The following MSRA variants were observed in gnomAD, a reference collection of about 807,000 sequenced individuals.
The protein encoded by MSRA is mitochondrial peptide methionine sulfoxide reductase.
MSRA carries 54 observed loss-of-function variants against 31.3 expected under a neutral mutation model. That is an observed-to-expected ratio of 1.73 (90% CI 1.39 to 2.17). The LOEUF is 2.17. MSRA is among the 30% of genes most tolerant of loss of function. The pLI is 0.00. For missense variants in MSRA, 507 were observed against 300.9 expected (o/e 1.69, Z -5.07); for synonymous variants, 169 against 116.5 (o/e 1.45, Z -2.90).
chr8:10,296,344 G>T (rs1800541090), intron 3 of MSRA, among the ~76,000 whole-genome samples: 1 of 152,192 alleles, frequency 6.6e-6, no homozygotes, highest in African/African-American at 2.4e-5. Context: ...AACACGAAAG[G>T]TTAATAGCAA....
chr8:10,132,925 G>T (rs181083318), intron 1 of MSRA, among the ~76,000 whole-genome samples: 4 of 152,186 alleles, frequency 2.6e-5, no homozygotes, highest in Admixed American at 1.3e-4. Flanking sequence ...TGACACTTGG[G>T]CTAGCAGGCC....
At chr8:10,181,406 A>G (rs1318798816) in intron 1 of MSRA, among the ~76,000 whole-genome samples, 1 of 151,752 alleles carries the variant, frequency 6.6e-6, no homozygotes, top group Non-Finnish European at 1.5e-5. Flanking sequence ...GCTTGTGCAC[A>G]CGTACCCTAA....
At chr8:10,314,810 A>G (rs942368992) in intron 4 of MSRA, among the ~76,000 whole-genome samples, 11 of 152,244 alleles carry the variant, frequency 7.2e-5, no homozygotes, top group Non-Finnish European at 1.3e-4. Context: ...AAATGAAGAA[A>G]ATGGAAGGAC....
At chr8:10,155,090 G>T (rs1585048579) in intron 1 of MSRA, among the ~76,000 whole-genome samples, 1 of 150,932 alleles carries the variant, frequency 6.6e-6, no homozygotes, top group South Asian at 2.1e-4. Context: ...ATTTTTTATT[G>T]TAAGCTTGCC....
At chr8:10,057,586 C>A (rs563328452) in intron 1 of MSRA, among the ~76,000 whole-genome samples, 12 of 152,244 alleles carry the variant, frequency 7.9e-5, no homozygotes, top group Admixed American at 6.5e-4. Context: ...TTGTAATTCC[C>A]ACCTGTTGGA....
intron 4 of MSRA, among the ~76,000 whole-genome samples, chr8:10,305,885 T>C (rs550851241): frequency 2.0e-5 from 3 of 152,368 alleles, no homozygotes; most frequent in Admixed American, 6.5e-5. Flanking sequence ...ACAGACATGC[T>C]AGCATCATTA....
chr8:10,278,524 C>T (rs534450030), intron 3 of MSRA, among the ~76,000 whole-genome samples: 12 of 152,348 alleles, frequency 7.9e-5, no homozygotes, highest in Non-Finnish European at 1.2e-4. Context: ...AAATCTACAT[C>T]CAGCCCATCA....
chr8:10,263,201 T>C (rs891261204), intron 3 of MSRA, among the ~76,000 whole-genome samples: 5 of 152,224 alleles, frequency 3.3e-5, no homozygotes, highest in African/African-American at 1.2e-4. Context: ...AAATCTTTAT[T>C]GCTGTCACCC....
chr8:10,330,871 C>T (rs528261860), intron 5 of MSRA, among the ~76,000 whole-genome samples: 3 of 152,190 alleles, frequency 2.0e-5, no homozygotes, highest in Admixed American at 6.5e-5. Context: ...TATCTGTGTC[C>T]CCCCAAATTC....
At chr8:10,397,598 C>T (rs59358774) in intron 5 of MSRA, among the ~76,000 whole-genome samples, 11,841 of 152,234 alleles carry the variant, frequency 0.078, 1,293 homozygotes, top group African/African-American at 0.25. Context: ...TCATCCACGA[C>T]GGTAGCTAAG....
intron 5 of MSRA, among the ~76,000 whole-genome samples, chr8:10,363,825 A>C (rs1805004542): frequency 6.7e-6 from 1 of 149,374 alleles, no homozygotes; most frequent in African/African-American, 2.5e-5. Context: ...CCAGCTACTC[A>C]GGAGGCTGAG....
chr8:10,336,736 G>C (rs1218314280), intron 5 of MSRA: 1 of 152,158 alleles, frequency 6.6e-6, no homozygotes, highest in Admixed American at 6.5e-5. Flanking sequence ...ATTAGAGATA[G>C]GTTATTTTTA....
At chr8:10,258,422 G>A (rs1486182119) in intron 3 of MSRA, among the ~76,000 whole-genome samples, 1 of 152,184 alleles carries the variant, frequency 6.6e-6, no homozygotes, top group Non-Finnish European at 1.5e-5. Flanking sequence ...GTCCTACTAG[G>A]TGAGATTTTC....
chr8:10,108,071 G>C (rs1370205491), intron 1 of MSRA, among the ~76,000 whole-genome samples: 1 of 152,070 alleles, frequency 6.6e-6, no homozygotes, highest in African/African-American at 2.4e-5. Context: ...TATACTTAAT[G>C]TTCCTGAAGG....
At chr8:10,076,201 T>A (rs1797989013) in intron 1 of MSRA, among the ~76,000 whole-genome samples, 1 of 152,234 alleles carries the variant, frequency 6.6e-6, no homozygotes, top group South Asian at 2.1e-4. Context: ...GAATGGTACC[T>A]GGCTCCTGCC....
At chr8:10,288,078 C>A (rs1046466373) in intron 3 of MSRA, among the ~76,000 whole-genome samples, 2 of 152,084 alleles carry the variant, frequency 1.3e-5, no homozygotes, top group Non-Finnish European at 2.9e-5. Flanking sequence ...GGATTACGAG[C>A]CCCATACAAA....
chr8:10,285,416 A>G (rs531613856), intron 3 of MSRA, among the ~76,000 whole-genome samples: 4 of 152,336 alleles, frequency 2.6e-5, no homozygotes, highest in African/African-American at 7.2e-5. Flanking sequence ...GTTTCCATAC[A>G]TGTATACAAT....
At chr8:10,089,975 A>G (rs1798776989) in intron 1 of MSRA, among the ~76,000 whole-genome samples, 1 of 152,200 alleles carries the variant, frequency 6.6e-6, no homozygotes, top group Admixed American at 6.5e-5. Flanking sequence ...CACAGTGGGT[A>G]TCAAATTTCA....
chr8:10,232,781 C>G (rs1811603201), intron 2 of MSRA, among the ~76,000 whole-genome samples: 1 of 152,084 alleles, frequency 6.6e-6, no homozygotes, highest in Non-Finnish European at 1.5e-5. Flanking sequence ...TAAGGTAATT[C>G]TAAATAAAAA....
Sources: allele counts gnomAD v4.1 joint callset (sites outside exome capture counted in the v4.1 genomes callset), GRCh38; gene constraint gnomAD v4.1.1; transcripts MANE v1.5; gene names NCBI Gene and HGNC (gene_info 2026-07-23, HGNC 2026-07-21).